Variants in CDH18 observed in about 807,000 individuals in gnomAD.
CDH18 encodes the protein cadherin-18.
In CDH18, 31 loss-of-function variants were observed where a neutral mutation model predicts 67.9. The observed-to-expected ratio is 0.46, with a 90% CI of 0.34 to 0.62. The LOEUF is 0.62. Ranked by LOEUF, CDH18 falls within the 20% of genes least tolerant of loss-of-function variation. CDH18 has a pLI of 0.01. For missense variants in CDH18, 890 were observed against 975.5 expected (o/e 0.91, Z 1.17); for synonymous variants, 362 against 347.2 (o/e 1.04, Z -0.48).
At chr5:19,808,327 A>C (rs1031948099) in intron 3 of CDH18, among the ~76,000 whole-genome samples, 31 of 149,284 alleles carry the variant, frequency 2.1e-4, no homozygotes, top group Admixed American at 4.7e-4. Flanking sequence ...ACAAAAAAAA[A>C]ACAAAAATAA....
intron 1 of CDH18, among the ~76,000 whole-genome samples, chr5:20,307,943 CAATTT>C (rs1736616594): frequency 6.6e-6 from 1 of 151,988 alleles, no homozygotes; most frequent in African/African-American, 2.4e-5. Flanking sequence ...TTAATGCAAA[CAATTT>C]AATTTAGAAA....
intron 2 of CDH18, among the ~76,000 whole-genome samples, chr5:20,193,528 C>A (rs1410729056): frequency 6.6e-6 from 1 of 152,086 alleles, no homozygotes; most frequent in Non-Finnish European, 1.5e-5. Flanking sequence ...TGATACCAGT[C>A]CTTCTGAAAC....
chr5:19,965,212 A>T (rs1797308726), intron 2 of CDH18, among the ~76,000 whole-genome samples: 1 of 152,182 alleles, frequency 6.6e-6, no homozygotes, highest in Non-Finnish European at 1.5e-5. Flanking sequence ...TTAAAAATGC[A>T]AGCATAACAA....
rs188826022 is a variant in CDH18 at position 20,430,816 on chromosome 5, C to A, written c.-580+144646G>T. On this transcript the variant is annotated intron_variant, in intron 1 of 14. Coordinates refer to the CDH18 transcript ENST00000507958. ...AAGTATTTAATTTATTTTCTCCTTT[C>A]AAATCAGAATCTTTCAGATTTTCTA... 7.1e-3 allele frequency among the ~76,000 whole-genome samples: 1,079 copies of A among 152,250 alleles called. 8 individuals carry two copies. Among genetic ancestry groups the A allele is most frequent in the African/African-American group, 0.025 (1,020 of 41,550 alleles).
At chr5:20,198,229 C>G (rs748765624) in intron 2 of CDH18, among the ~76,000 whole-genome samples, 1 of 152,250 alleles carries the variant, frequency 6.6e-6, no homozygotes, top group Admixed American at 6.5e-5. Context: ...AACAGACAGA[C>G]ATTGGAACAG....
intron 2 of CDH18, among the ~76,000 whole-genome samples, chr5:19,929,257 T>G (rs996489280): frequency 2.6e-5 from 4 of 152,086 alleles, no homozygotes; most frequent in Non-Finnish European, 5.9e-5. Context: ...ACAGGCCTTT[T>G]AATCAAATGA....
At chr5:20,328,899 T>A (rs1370319672) in intron 1 of CDH18, among the ~76,000 whole-genome samples, 1 of 145,164 alleles carries the variant, frequency 6.9e-6, no homozygotes, top group Non-Finnish European at 1.5e-5. Flanking sequence ...TAGGATCACC[T>A]GAGCCTGGAT....
chr5:19,712,731 T>C (rs905253569), intron 5 of CDH18, among the ~76,000 whole-genome samples: 1 of 150,812 alleles, frequency 6.6e-6, no homozygotes, highest in Non-Finnish European at 1.5e-5. Context: ...ATTATATATG[T>C]GTATTTTCTA....
At chr5:20,316,669 A>G (rs1737494998) in intron 1 of CDH18, among the ~76,000 whole-genome samples, 1 of 152,044 alleles carries the variant, frequency 6.6e-6, no homozygotes, top group African/African-American at 2.4e-5. Context: ...TTGGAGAAGA[A>G]AGAAGACAAC....
chr5:19,825,515 A>G (rs915468171), intron 3 of CDH18, among the ~76,000 whole-genome samples: 1 of 152,112 alleles, frequency 6.6e-6, no homozygotes, highest in Admixed American at 6.5e-5. Flanking sequence ...CTGACACCGC[A>G]AGGATACAGC....
chr5:20,481,332 A>G (rs561588676), intron 1 of CDH18, among the ~76,000 whole-genome samples: 156 of 152,128 alleles, frequency 1.0e-3, no homozygotes, highest in Non-Finnish European at 1.7e-3. Flanking sequence ...CAGATACATA[A>G]AGCAAATATT....
chr5:20,457,896 G>A (rs1426451201), intron 1 of CDH18, among the ~76,000 whole-genome samples: 1 of 152,106 alleles, frequency 6.6e-6, no homozygotes, highest in East Asian at 1.9e-4. Context: ...AGGAAGCAAT[G>A]CAAAAGGAAT....
rs143624864 is a variant in CDH18, at chr5:20,072,031, A to G, written c.-517-80017T>C. Among the ~76,000 whole-genome samples, 410 of 152,234 alleles carry G rather than the reference A, an allele frequency of 2.7e-3. 3 individuals are homozygous for G. The highest frequency in any genetic ancestry group is 9.2e-3 in the African/African-American group (384 of 41,582). ...TATTACTAACATTGGGATTTTTAAC[A>G]AAACTAACACAGGATACTTAATTTG... On this transcript the variant is annotated intron_variant, in intron 2 of 14. Transcript: ENST00000507958.
intron 2 of CDH18, among the ~76,000 whole-genome samples, chr5:20,219,621 A>C (rs1407949477): frequency 6.6e-6 from 1 of 151,974 alleles, no homozygotes; most frequent in Non-Finnish European, 1.5e-5. Flanking sequence ...CACATTAAAA[A>C]GATCATTCAT....
At chr5:20,523,191 T>A (rs879373800) in intron 1 of CDH18, among the ~76,000 whole-genome samples, 13 of 152,214 alleles carry the variant, frequency 8.5e-5, no homozygotes, top group Admixed American at 7.9e-4. Flanking sequence ...CATTAATTTT[T>A]ACTAATGCTA....
chr5:20,304,073 T>C lies in CDH18; in HGVS notation c.-579-48568A>G. 3.1e-6 allele frequency: 5 copies of C among 1,609,466 alleles called. 1 individual carries two copies. The South Asian group carries it at 5.5e-5, about 18-fold the overall frequency. On this transcript the variant is annotated intron_variant, in intron 1 of 14. Transcript: ENST00000507958. ...GGCATCCTTTTTCTCCAGTAAAATT[T>C]TGTGCAACTCGTCTGCATCCTCGCT...
intron 1 of CDH18, among the ~76,000 whole-genome samples, chr5:20,548,136 T>C (rs1278259548): frequency 6.6e-6 from 1 of 150,948 alleles, no homozygotes; most frequent in Non-Finnish European, 1.5e-5. Context: ...TCTATATTAC[T>C]ATATTAACTA....
intron 1 of CDH18, among the ~76,000 whole-genome samples, chr5:20,441,855 G>A (rs1300380099): frequency 6.6e-6 from 1 of 151,808 alleles, no homozygotes; most frequent in African/African-American, 2.4e-5. Flanking sequence ...ATTTAATCAA[G>A]AGATGACAAT....
At chr5:20,054,158 T>C (rs1374649605) in intron 2 of CDH18, among the ~76,000 whole-genome samples, 2 of 152,164 alleles carry the variant, frequency 1.3e-5, no homozygotes, top group African/African-American at 2.4e-5. Flanking sequence ...GTGCAACATC[T>C]TTCTTTAAAA....
Sources: gnomAD v4.1 joint callset for allele counts (sites outside exome capture counted in the v4.1 genomes callset) on GRCh38, gnomAD v4.1.1 for gene constraint, MANE v1.5 for transcripts, NCBI Gene and HGNC (gene_info 2026-07-23, HGNC 2026-07-21) for gene names.